The following DRG1 variants were observed in gnomAD, a reference collection of about 807,000 sequenced individuals.
DRG1 encodes the protein developmentally regulated GTP binding protein 1.
A neutral mutation model predicts 38.8 loss-of-function variants in DRG1; 19 were observed. The ratio of observed to expected loss-of-function variants is 0.49; its 90% CI spans 0.34 to 0.72. DRG1 has a LOEUF of 0.72. DRG1 is among the 30% of genes least tolerant of loss of function. The probability of loss-of-function intolerance (pLI) is 0.01; values close to 1 mark genes in which losing one functional copy is unlikely to be tolerated. For missense variants in DRG1, 299 were observed against 444.8 expected, an observed-to-expected ratio of 0.67 and a Z score of 2.95; for synonymous variants, 167 against 157.5, an observed-to-expected ratio of 1.06 and a Z score of -0.45.
intron 8 of DRG1, among the ~76,000 whole-genome samples, chr22:31,432,062 T>G (rs2050142227): frequency 6.6e-6 from 1 of 151,708 alleles, no homozygotes; most frequent in South Asian, 2.1e-4. Flanking sequence ...TTTTCTTTAA[T>G]TATTGCACAA....
chr22:31,424,488 C>CTTTTTT (rs398036881), intron 6 of DRG1, among the ~76,000 whole-genome samples: 45 of 71,408 alleles, frequency 6.3e-4, no homozygotes, highest in Middle Eastern at 0.016. Flanking sequence ...GCTTTGGTTT[C>CTTTTTT]TTTTTTTTTT....
intron 4 of DRG1, among the ~76,000 whole-genome samples, chr22:31,417,091 G>T (rs1347867563): frequency 1.3e-5 from 2 of 150,708 alleles, no homozygotes; most frequent in Non-Finnish European, 3.0e-5. Flanking sequence ...TAATAATAAG[G>T]CCGGGCATGG....
intron 8 of DRG1, among the ~76,000 whole-genome samples, chr22:31,432,651 C>T (rs1254599661): frequency 6.6e-6 from 1 of 152,122 alleles, no homozygotes; most frequent in East Asian, 1.9e-4. Context: ...TGGTCTCGAT[C>T]TCTTGACCTC....
At chr22:31,415,131 T>C (rs1393988348) in intron 4 of DRG1, among the ~76,000 whole-genome samples, 2 of 152,156 alleles carry the variant, frequency 1.3e-5, no homozygotes, top group African/African-American at 4.8e-5. Flanking sequence ...TAGGCAGTGA[T>C]TGTTGTCTTA....
At chr22:31,418,844 G>C (rs1342346074) in intron 4 of DRG1, among the ~76,000 whole-genome samples, 1 of 152,094 alleles carries the variant, frequency 6.6e-6, no homozygotes, top group Non-Finnish European at 1.5e-5. Context: ...ACCACATCCG[G>C]CTAATTTTTT....
chr22:31,406,738 C>T (rs2145859663), intron 3 of DRG1, among the ~76,000 whole-genome samples: 1 of 152,002 alleles, frequency 6.6e-6, no homozygotes, highest in Middle Eastern at 3.4e-3. Flanking sequence ...GCCTGCTTCT[C>T]CTGTTGTTAA....
intron 6 of DRG1, among the ~76,000 whole-genome samples, chr22:31,423,638 T>C (rs1261119056): frequency 6.6e-6 from 1 of 150,522 alleles, no homozygotes; most frequent in Non-Finnish European, 1.5e-5. Context: ...GAGATTCTTC[T>C]GCCTCAGCCT....
At chr22:31,413,933 C>G (rs957279970) in intron 4 of DRG1, among the ~76,000 whole-genome samples, 1 of 152,090 alleles carries the variant, frequency 6.6e-6, no homozygotes, top group Non-Finnish European at 1.5e-5. Context: ...CTATTCTTAA[C>G]AAGAACACAT....
intron 3 of DRG1, 34 bp from the exon 4 acceptor site, chr22:31,410,978 C>T (rs1199638849): frequency 6.2e-7 from 1 of 1,605,512 alleles, no homozygotes; most frequent in Non-Finnish European, 8.5e-7. Flanking sequence ...CCAGTTTTTT[C>T]TTTCATCCTC....
At chr22:31,432,230 C>T (rs762381940) in intron 8 of DRG1, among the ~76,000 whole-genome samples, 1 of 151,862 alleles carries the variant, frequency 6.6e-6, no homozygotes, top group African/African-American at 2.4e-5. Flanking sequence ...GTGCAAACCA[C>T]CATGCCTGGC....
intron 1 of DRG1, 24 bp downstream of exon 1, chr22:31,399,749 A>T: frequency 1.2e-6 from 2 of 1,613,624 alleles, no homozygotes; most frequent in Non-Finnish European, 1.7e-6. Context: ...CTGGCGGTTC[A>T]CTCTTAGTCT....
Position 31,434,125 on chromosome 22 carries a change from C to T in DRG1, c.*154C>T. ...CAAACTGGAACTTCATTTGTCTTAC[C>T]TTGGTGTCACCTTGTATGTCGAACT... On this transcript the variant is annotated 3_prime_UTR_variant, in exon 9 of 9. Coordinates refer to ENST00000331457, the MANE Select transcript of DRG1 (RefSeq NM_004147.4). 1.6e-6 allele frequency: 1 copy of T among 627,988 alleles called. No homozygotes were observed. Among genetic ancestry groups the T allele is most frequent in the South Asian group, 1.9e-5 (1 of 53,276 alleles). The allele number at this position is 627,988 out of a possible 1,614,324, so 38.9% of individuals were successfully genotyped here.
intron 3 of DRG1, among the ~76,000 whole-genome samples, chr22:31,409,347 A>C (rs1443000588): frequency 6.6e-6 from 1 of 151,994 alleles, no homozygotes; most frequent in Non-Finnish European, 1.5e-5. Context: ...GGCCTCTGGG[A>C]AAGTGCTGTG....
At chr22:31,424,613 C>T (rs1438919475) in intron 6 of DRG1, among the ~76,000 whole-genome samples, 1 of 149,172 alleles carries the variant, frequency 6.7e-6, no homozygotes, top group African/African-American at 2.5e-5. Context: ...ATTCTTCGGC[C>T]TCAGCCCCCT....
chr22:31,424,310 C>T (rs113557057), intron 6 of DRG1, among the ~76,000 whole-genome samples: 5,313 of 151,768 alleles, frequency 0.035, 140 homozygotes, highest in South Asian at 0.085. Flanking sequence ...CACCACCATG[C>T]CCAGCTAATT....
chr22:31,424,074 G>T (rs962425094), intron 6 of DRG1, among the ~76,000 whole-genome samples: 1 of 151,868 alleles, frequency 6.6e-6, no homozygotes, highest in African/African-American at 2.4e-5. Context: ...GTGTTGGTCA[G>T]GCTGGTTTCG....
At position 31,400,646 on chromosome 22, in the gene DRG1, C is replaced by G. The variant is rs139901998; in HGVS notation, c.69C>G (p.Ala23=). The change falls in exon 2 of 9, where the codon GCC becomes GCG. Residue 23 remains alanine (A), a synonymous_variant. Transcript: ENST00000331457. The part of the protein sequence containing the change: ...AEMARTQKNK[A]TAHHLGLLKA... Reference sequence around the variant, plus strand: ...TGGCTCGGACTCAAAAGAACAAGGCCACAGCACACCACTTAGGGCTGCTTA... The same window carrying G: ...TGGCTCGGACTCAAAAGAACAAGGCGACAGCACACCACTTAGGGCTGCTTA... 1.2e-6 allele frequency: 2 copies of G among 1,613,188 alleles called. No homozygotes were observed. The highest frequency in any genetic ancestry group is 2.2e-5 in the East Asian group (1 of 44,848).
chr22:31,400,499 T>C, intron 1 of DRG1, 121 bp from the exon 2 acceptor site: 1 of 1,317,550 alleles, frequency 7.6e-7, no homozygotes, highest in South Asian at 1.3e-5. Context: ...ACTTTTACTC[T>C]TTTAAAGCCT....
At chr22:31,431,026 C>T (rs1350727409) in intron 8 of DRG1, among the ~76,000 whole-genome samples, 17 of 119,594 alleles carry the variant, frequency 1.4e-4, no homozygotes, top group South Asian at 6.2e-4. Context: ...CCTTCCCCCC[C>T]CCCCCCCGCT....
Sources: allele counts gnomAD v4.1 joint callset (sites outside exome capture counted in the v4.1 genomes callset), GRCh38; gene constraint gnomAD v4.1.1; transcripts MANE v1.5; gene names NCBI Gene and HGNC (gene_info 2026-07-23, HGNC 2026-07-21).